Variants in WTIP observed in about 807,000 individuals in gnomAD.
The protein encoded by WTIP is WT1 interacting protein, also known as Wilms tumor protein 1-interacting protein.
In WTIP, 23 loss-of-function variants were observed where a neutral mutation model predicts 41.7. The observed-to-expected ratio is 0.55, with a 90% CI of 0.40 to 0.78. WTIP has a LOEUF of 0.78. Ranked by LOEUF, WTIP falls within the 30% of genes least tolerant of loss-of-function variation. The pLI, the probability that WTIP is intolerant of heterozygous loss-of-function variation, is 0.00. For missense variants in WTIP, 619 were observed against 610.5 expected (o/e 1.01, Z -0.15); for synonymous variants, 314 against 269.9 (o/e 1.16, Z -1.60).
rs2145621317 is a variant in WTIP at position 34,510,248 on chromosome 19, A to G, written c.*9979A>G. ...TGCCTGGGCATCCAGGCATTTTCATACATCTTCTGAAATCTAGATGGAGGT... is the reference window on the plus strand; with the variant it reads ...TGCCTGGGCATCCAGGCATTTTCATGCATCTTCTGAAATCTAGATGGAGGT... On this transcript the variant is annotated 3_prime_UTR_variant, in exon 8 of 8. Transcript: ENST00000590071. The G allele has an allele frequency of 6.6e-6, 1 of 152,130 alleles. No homozygotes were observed. The highest frequency in any genetic ancestry group is 1.9e-4 in the East Asian group (1 of 5,166). 9.4% of individuals were successfully genotyped at this position (152,130 alleles called of 1,614,324 possible).
At position 34,494,460 on chromosome 19, in the gene WTIP, G is replaced by A. The variant is rs569559026; in HGVS notation, c.1032-126G>A. 1,023 of 852,776 alleles carry A rather than the reference G, an allele frequency of 1.2e-3. 5 individuals carry two copies. Among genetic ancestry groups the A allele is most frequent in the Non-Finnish European group, 1.7e-3 (883 of 515,494 alleles). 52.8% of individuals were successfully genotyped at this position (852,776 alleles called of 1,614,324 possible). A position where few individuals can be genotyped will look rare whatever the true frequency, so the allele number is the denominator to read the frequency against. On this transcript the variant is annotated intron_variant, in intron 5 of 7. Coordinates refer to ENST00000590071, the MANE Select transcript of WTIP (RefSeq NM_001080436.2). ...AGCTGTTCCCTGTCTGCCCCGAGGT[G>A]TGCACACAGGGAGAGAGGGCCTGAT... is the stretch of plus-strand genomic sequence containing the variant.
In WTIP at chr19:34,486,610, C is replaced by T. The variant is rs563794630; in HGVS notation, c.668-3766C>T. Reference sequence around the variant, plus strand: ...TCTCATCTCCTGACCTCGTGATCTGCCCACCTTGGCCTCCCAAAGTGCTGG... The same window carrying T: ...TCTCATCTCCTGACCTCGTGATCTGTCCACCTTGGCCTCCCAAAGTGCTGG... On this transcript the variant is annotated intron_variant, in intron 1 of 7. Transcript: ENST00000590071. 4.7e-4 allele frequency among the ~76,000 whole-genome samples: 72 copies of T among 152,288 alleles called. No individual in the cohort carries two copies. The South Asian group carries it at 0.014, about 30-fold the overall frequency.
chr19:34,482,693 T>C (rs2075775257), intron 1 of WTIP, 52 bp downstream of exon 1: 3 of 1,217,910 alleles, frequency 2.5e-6, no homozygotes, highest in African/African-American at 3.1e-5. Context: ...GGGTCCGGGG[T>C]TCCGAGACTG....
At position 34,504,391 on chromosome 19, in the gene WTIP, TTGTG is replaced by T. The variant is rs1381890131; in HGVS notation, c.*4126_*4129del. The T allele has an allele frequency of 1.4e-5, 2 of 148,060 alleles. No homozygotes were observed. The highest frequency in any genetic ancestry group is 4.0e-4 in the East Asian group (2 of 4,978). The allele number at this position is 148,060 out of a possible 1,614,324, so 9.2% of individuals were successfully genotyped here. Reference sequence around the variant, plus strand: ...TAAGTGACCACACTGTGGGGTGTAATTGTGTGTTTGTTTGTGTGTGTGTGTGTGT... The same window carrying T: ...TAAGTGACCACACTGTGGGGTGTAATTGTTTGTTTGTGTGTGTGTGTGTGT... On this transcript the variant is annotated 3_prime_UTR_variant, in exon 8 of 8. Transcript: ENST00000590071.
intron 1 of WTIP, among the ~76,000 whole-genome samples, chr19:34,489,433 G>C (rs972662471): frequency 6.6e-6 from 1 of 151,824 alleles, no homozygotes; most frequent in African/African-American, 2.4e-5. Flanking sequence ...GACAGAGTGG[G>C]TACAGAGGAG....
Position 34,504,048 on chromosome 19 carries a change from AGT to A in WTIP, c.*3786_*3787del, listed in dbSNP as rs962436260. On this transcript the variant is annotated 3_prime_UTR_variant, in exon 8 of 8. Transcript: ENST00000590071. Reference sequence around the variant, plus strand: ...GAGAGAGAGACAGGGATGGGGGGAGAGTGTGTGTATCAATGAGAGAGACGGAG... The same window carrying A: ...GAGAGAGAGACAGGGATGGGGGGAGAGTGTGTATCAATGAGAGAGACGGAG... The A allele has an allele frequency of 6.6e-6, 1 of 151,036 alleles. No homozygotes were observed. Among genetic ancestry groups the A allele is most frequent in the South Asian group, 2.1e-4 (1 of 4,722 alleles). The allele number at this position is 151,036 out of a possible 1,614,324, so 9.4% of individuals were successfully genotyped here. A position where few individuals can be genotyped will look rare whatever the true frequency, so the allele number is the denominator to read the frequency against.
chr19:34,500,576 AGGGGTGCGAGGTGACCC>A lies in WTIP; in HGVS notation c.*310_*326del. Reference sequence around the variant, plus strand: ...GCTGGAGAGGGCCCCTGCCTTGGCCAGGGGTGCGAGGTGACCCGGCTGCATTGCTGGGTGGGAGCTGC... The same window carrying A: ...GCTGGAGAGGGCCCCTGCCTTGGCCAGGCTGCATTGCTGGGTGGGAGCTGC... On this transcript the variant is annotated 3_prime_UTR_variant, in exon 8 of 8. Transcript: ENST00000590071. 1 of 314,306 alleles carries A rather than the reference AGGGGTGCGAGGTGACCC, an allele frequency of 3.2e-6. No homozygotes were observed. The highest frequency in any genetic ancestry group is 5.4e-5 in the East Asian group (1 of 18,456). 19.5% of individuals were successfully genotyped at this position (314,306 alleles called of 1,614,324 possible).
At chr19:34,499,964 G>A (rs1295059406) in intron 7 of WTIP, among the ~76,000 whole-genome samples, 165 bp from the exon 8 acceptor site, 2 of 152,162 alleles carry the variant, frequency 1.3e-5, no homozygotes, top group African/African-American at 2.4e-5. Context: ...GCCTCCCAAA[G>A]TGCTGGGATT....
At position 34,500,622 on chromosome 19, in the gene WTIP, C is replaced by T. The variant is rs1282400296; in HGVS notation, c.*353C>T. ...TGCATTGCTGGGTGGGAGCTGCTGT[C>T]TGTTGTTCAGGGGCCTGGCCCCCGC... is the stretch of plus-strand genomic sequence containing the variant. On this transcript the variant is annotated 3_prime_UTR_variant, in exon 8 of 8. Transcript: ENST00000590071. 4 of 229,698 alleles carry T rather than the reference C, an allele frequency of 1.7e-5. No individual in the cohort carries two copies. The highest frequency in any genetic ancestry group is 8.5e-6 in the Non-Finnish European group (1 of 118,160). The allele number at this position is 229,698 out of a possible 1,614,324, so 14.2% of individuals were successfully genotyped here.
At position 34,509,401 on chromosome 19, in the gene WTIP, G is replaced by C. The variant is rs921512425; in HGVS notation, c.*9132G>C. 2 of 152,240 alleles carry C rather than the reference G, an allele frequency of 1.3e-5. No homozygotes were observed. Among genetic ancestry groups the C allele is most frequent in the Non-Finnish European group, 2.9e-5 (2 of 68,050 alleles). The allele number at this position is 152,240 out of a possible 1,614,324, so 9.4% of individuals were successfully genotyped here. A position where few individuals can be genotyped will look rare whatever the true frequency, so the allele number is the denominator to read the frequency against. On this transcript the variant is annotated 3_prime_UTR_variant, in exon 8 of 8. Transcript: ENST00000590071. ...GCAGAAACCCCCGATAAAACCATCA[G>C]ATCTTGTGAGACTTATTCACTACCA...
rs1247028650 is a variant in WTIP at position 34,482,311 on chromosome 19, G to A, written c.337G>A (p.Gly113Ser). The change falls in exon 1 of 8, where the codon GGC becomes AGC. Residue 113 changes from glycine to serine, a missense_variant. Gly to Ser is a moderately conservative substitution (Grantham distance 56). Around this residue, in one of 3 missense-constraint regions of WTIP, gnomAD observed 363 missense variants for 309.0 expected, o/e 1.17. Transcript: ENST00000590071. ...CGCCCGATCCAGCGGCATCAGCCTG[G>A]GCTACGACCAGCGCCACGGCAGCCC... ...GSARSSGISL[G>S]YDQRHGSPRS... The A allele has an allele frequency of 7.2e-7, 1 of 1,380,772 alleles. No homozygotes were observed. 85.5% of individuals were successfully genotyped at this position (1,380,772 alleles called of 1,614,324 possible).
intron 1 of WTIP, among the ~76,000 whole-genome samples, chr19:34,488,143 T>G (rs1228650479): frequency 6.6e-6 from 1 of 151,276 alleles, no homozygotes; most frequent in Non-Finnish European, 1.5e-5. Context: ...TGGCGGGATC[T>G]TAGCTCACTG....
intron 2 of WTIP, among the ~76,000 whole-genome samples, chr19:34,490,791 A>G (rs911633239): frequency 6.6e-6 from 1 of 152,196 alleles, no homozygotes; most frequent in South Asian, 2.1e-4. Flanking sequence ...CTGTCTGGAC[A>G]TACGACTAAT....
At chr19:34,492,682 C>G (rs1356396943) in intron 2 of WTIP, among the ~76,000 whole-genome samples, 1 of 105,020 alleles carries the variant, frequency 9.5e-6, no homozygotes, top group Non-Finnish European at 2.1e-5. Flanking sequence ...CAGTGATACT[C>G]TGTATCAAAA....
chr19:34,498,807 G>A (rs2075869239), intron 7 of WTIP, among the ~76,000 whole-genome samples: 1 of 152,202 alleles, frequency 6.6e-6, no homozygotes, highest in Non-Finnish European at 1.5e-5. Context: ...GGCTGAGGCA[G>A]GAGAATGGCG....
At chr19:34,491,752 C>T (rs2075826406) in intron 2 of WTIP, among the ~76,000 whole-genome samples, 1 of 152,054 alleles carries the variant, frequency 6.6e-6, no homozygotes, top group Non-Finnish European at 1.5e-5. Context: ...TCAAGTGATT[C>T]GCCTGCCTCA....
rs758365708 is a variant in WTIP at position 34,504,116 on chromosome 19, A to G, written c.*3847A>G. 6.6e-6 allele frequency: 1 copy of G among 152,126 alleles called. No individual in the cohort carries two copies. Among genetic ancestry groups the G allele is most frequent in the Non-Finnish European group, 1.5e-5 (1 of 68,064 alleles). The allele number at this position is 152,126 out of a possible 1,614,324, so 9.4% of individuals were successfully genotyped here. Reference sequence around the variant, plus strand: ...AGGGATTGAATATTTCAGAAAATGAATGAGAGAGATTGGGAGAGATGGTGG... The same window carrying G: ...AGGGATTGAATATTTCAGAAAATGAGTGAGAGAGATTGGGAGAGATGGTGG... On this transcript the variant is annotated 3_prime_UTR_variant, in exon 8 of 8. Coordinates refer to ENST00000590071, the MANE Select transcript of WTIP (RefSeq NM_001080436.2).
At chr19:34,489,042 A>T (rs56947592) in intron 1 of WTIP, among the ~76,000 whole-genome samples, 8,742 of 151,630 alleles carry the variant, frequency 0.058, 361 homozygotes, top group Admixed American at 0.15. Context: ...TACTAAAAAT[A>T]CAAAAAATTA....
Position 34,482,535 on chromosome 19 carries a change from GC to G in WTIP, c.566del (p.Pro189LeufsTer112), listed in dbSNP as rs1330008344. ...CCTTCCCGCTGCCTGCACTCCCGCT[GC>G]CCCCTGGCCGGGAGGGCGGCCCAAG... ...APFPLPALPL[P>X]PGREGGPSAA... On this transcript the variant is annotated frameshift_variant, in exon 1 of 8. Coordinates refer to ENST00000590071, the MANE Select transcript of WTIP (RefSeq NM_001080436.2). LOFTEE classifies it high-confidence loss of function. 1.6e-6 allele frequency: 2 copies of G among 1,227,270 alleles called. No homozygotes were observed. The highest frequency in any genetic ancestry group is 4.0e-5 in the South Asian group (1 of 25,130). The allele number at this position is 1,227,270 out of a possible 1,614,324, so 76.0% of individuals were successfully genotyped here.
Sources: gnomAD v4.1 joint callset for allele counts (sites outside exome capture counted in the v4.1 genomes callset) on GRCh38, gnomAD v4.1.1 for gene constraint, gnomAD v4.1.1 regional missense constraint, MANE v1.5 for transcripts, NCBI Gene and HGNC (gene_info 2026-07-23, HGNC 2026-07-21) for gene names.